Variants in AKAP13 observed in about 807,000 individuals in gnomAD.
AKAP13 encodes the protein A-kinase anchoring protein 13.
Under a neutral mutation model 264.5 loss-of-function variants are expected in AKAP13, and 80 were observed. That is an observed-to-expected ratio of 0.30 (90% CI 0.25 to 0.36). AKAP13 has a LOEUF of 0.36. Ranked by LOEUF, AKAP13 falls within the 10% of genes least tolerant of loss-of-function variation. AKAP13 has a pLI of 1.00. For synonymous variants in AKAP13, 1,380 were observed against 1,250.2 expected (o/e 1.10, Z -2.19); for missense variants, 3,712 against 3,435.2 (o/e 1.08, Z -2.01).
At chr15:85,434,145 A>G (rs1289403956) in intron 1 of AKAP13, among the ~76,000 whole-genome samples, 1 of 152,022 alleles carries the variant, frequency 6.6e-6, no homozygotes, top group African/African-American at 2.4e-5. Context: ...AGGGCGAGGC[A>G]TTGCCTCACT....
chr15:85,605,477 TGAGGTGG>T (rs1355261742), intron 8 of AKAP13, among the ~76,000 whole-genome samples: 1 of 151,744 alleles, frequency 6.6e-6, no homozygotes, highest in African/African-American at 2.4e-5. Context: ...TGTTGTGGGG[TGAGGTGG>T]GAGGTGGGAA....
At chr15:85,435,872 G>A (rs1244035484) in intron 1 of AKAP13, among the ~76,000 whole-genome samples, 1 of 146,262 alleles carries the variant, frequency 6.8e-6, no homozygotes, top group Non-Finnish European at 1.5e-5. Flanking sequence ...ATGCCAAAAT[G>A]TAAAGACCAT....
In AKAP13 at chr15:85,633,239, G is replaced by C. The variant is rs62022872; in HGVS notation, c.4162-6135G>C. 3.4e-3 allele frequency among the ~76,000 whole-genome samples: 512 copies of C among 152,174 alleles called. 1 individual carries two copies. The highest frequency in any genetic ancestry group is 6.2e-3 in the Non-Finnish European group (421 of 67,990). On this transcript the variant is annotated intron_variant, in intron 8 of 36. Coordinates refer to ENST00000394518, the MANE Select transcript of AKAP13 (RefSeq NM_007200.5). ...GGTCAAGGTAAGAGACAGTAATATG[G>C]TAATTCGTAGTAGTTCATTTCCACA...
chr15:85,527,247 G>A (rs1019007533), intron 3 of AKAP13, among the ~76,000 whole-genome samples: 2 of 152,166 alleles, frequency 1.3e-5, no homozygotes, highest in Admixed American at 6.5e-5. Flanking sequence ...ACAAGCGTGA[G>A]CCACCGCACC....
chr15:85,668,021 C>A (rs953537541), intron 13 of AKAP13, among the ~76,000 whole-genome samples: 4 of 152,246 alleles, frequency 2.6e-5, no homozygotes, highest in Admixed American at 1.3e-4. Context: ...TCTCTACTTA[C>A]CCATAGTTTT....
At chr15:85,538,432 A>G (rs896694434) in intron 4 of AKAP13, among the ~76,000 whole-genome samples, 1 of 151,878 alleles carries the variant, frequency 6.6e-6, no homozygotes, top group Admixed American at 6.6e-5. Flanking sequence ...GTCGCCCACC[A>G]TAATCATTTG....
rs537108206 is a variant in AKAP13, at chr15:85,517,812, C to G, written c.34-3616C>G. Among the ~76,000 whole-genome samples the G allele has an allele frequency of 4.6e-5, 7 of 152,256 alleles. No individual in the cohort carries two copies. In the South Asian group the frequency reaches 1.4e-3, roughly 32 times the overall value. ...TCTTTTCCATTAGTTTTTGTGTCAT[C>G]TGTCAGCAAAACTAATTAGGACCCT... On this transcript the variant is annotated intron_variant, in intron 2 of 36. Transcript: ENST00000394518.
At chr15:85,689,601 C>T (rs978585912) in intron 16 of AKAP13, among the ~76,000 whole-genome samples, 8 of 152,212 alleles carry the variant, frequency 5.3e-5, no homozygotes, top group African/African-American at 1.9e-4. Flanking sequence ...CACCACTTTA[C>T]ACCAGGCAAC....
chr15:85,666,354 C>G (rs1318347666), intron 13 of AKAP13, among the ~76,000 whole-genome samples: 2 of 151,962 alleles, frequency 1.3e-5, no homozygotes, highest in Non-Finnish European at 2.9e-5. Flanking sequence ...ATATCCTTTA[C>G]CCACTTTTTG....
intron 13 of AKAP13, among the ~76,000 whole-genome samples, chr15:85,666,163 C>G (rs1275235326): frequency 6.6e-6 from 1 of 152,208 alleles, no homozygotes; most frequent in Non-Finnish European, 1.5e-5. Context: ...GCGTTCCTAT[C>G]TCTCCATATC....
chr15:85,422,999 G>A (rs2072593580), intron 1 of AKAP13, among the ~76,000 whole-genome samples: 1 of 152,224 alleles, frequency 6.6e-6, no homozygotes, highest in Non-Finnish European at 1.5e-5. Flanking sequence ...CTATGCTGTA[G>A]TCTAGTAAGT....
chr15:85,582,605 G>A (rs1233897111), intron 7 of AKAP13, among the ~76,000 whole-genome samples: 1 of 152,038 alleles, frequency 6.6e-6, no homozygotes, highest in Non-Finnish European at 1.5e-5. Flanking sequence ...GTATTGTTCT[G>A]AGCTGACTTC....
intron 8 of AKAP13, among the ~76,000 whole-genome samples, chr15:85,637,892 T>G (rs1001676054): frequency 8.0e-5 from 12 of 150,874 alleles, no homozygotes; most frequent in East Asian, 5.8e-4. Context: ...AAGTTTTTTT[T>G]TTTTTTTTTT....
At chr15:85,616,473 GGTT>G (rs1219449092) in intron 8 of AKAP13, among the ~76,000 whole-genome samples, 2 of 152,160 alleles carry the variant, frequency 1.3e-5, no homozygotes, top group African/African-American at 4.8e-5. Flanking sequence ...TAAAAGCACT[GGTT>G]GTTTTTAAAG....
At chr15:85,438,973 C>G (rs1295977550) in intron 1 of AKAP13, among the ~76,000 whole-genome samples, 1 of 144,616 alleles carries the variant, frequency 6.9e-6, no homozygotes. Flanking sequence ...CAAATGGGAT[C>G]TAATTAAACT....
chr15:85,438,785 A>G (rs1212032587), intron 1 of AKAP13, among the ~76,000 whole-genome samples: 1 of 152,108 alleles, frequency 6.6e-6, no homozygotes, highest in Admixed American at 6.5e-5. Flanking sequence ...CTGAAATTGA[A>G]TCCCTTCCTT....
chr15:85,561,275 C>T (rs1419115068), intron 5 of AKAP13, among the ~76,000 whole-genome samples: 1 of 152,096 alleles, frequency 6.6e-6, no homozygotes, highest in Non-Finnish European at 1.5e-5. Context: ...CCAGGCTGGT[C>T]TCGAACTCCT....
chr15:85,580,972 C>A lies in AKAP13; in HGVS notation c.2904C>A (p.Ile968=). Residue 968 remains isoleucine, a synonymous_variant, in exon 7 of 37, where the codon ATC becomes ATA. Transcript: ENST00000394518. ...QDTQQFHEKS[I]SADCAKDKAL... is the part of the protein sequence containing the mutation. ...CTCAACAATTTCATGAAAAATCAAT[C>A]TCAGCTGACTGTGCCAAGGACAAAG... 1 of 1,614,140 alleles carries A rather than the reference C, an allele frequency of 6.2e-7. No homozygotes were observed. The highest frequency in any genetic ancestry group is 8.5e-7 in the Non-Finnish European group (1 of 1,180,016).
At chr15:85,455,096 C>T (rs897595586) in intron 1 of AKAP13, among the ~76,000 whole-genome samples, 1 of 152,112 alleles carries the variant, frequency 6.6e-6, no homozygotes, top group African/African-American at 2.4e-5. Flanking sequence ...TGTATTGGGC[C>T]TCTCATGTCT....
Sources: gnomAD v4.1 joint callset for allele counts (sites outside exome capture counted in the v4.1 genomes callset) on GRCh38, gnomAD v4.1.1 for gene constraint, MANE v1.5 for transcripts, NCBI Gene and HGNC (gene_info 2026-07-23, HGNC 2026-07-21) for gene names.